The following FBXW7 variants were observed in gnomAD, a reference collection of about 807,000 sequenced individuals.
The protein encoded by FBXW7 is F-box and WD repeat domain containing 7, also known as F-box/WD repeat-containing protein 7.
A neutral mutation model predicts 86.3 loss-of-function variants in FBXW7; 11 were observed. The ratio of observed to expected loss-of-function variants is 0.13; its 90% confidence interval spans 0.08 to 0.21. FBXW7 has a LOEUF of 0.21. FBXW7 is among the 10% of genes least tolerant of loss of function. The pLI is 1.00. For synonymous variants in FBXW7, 313 were observed against 297.9 expected (o/e 1.05, Z -0.52); for missense variants, 488 against 847.4 (o/e 0.58, Z 5.27).
intron 2 of FBXW7, among the ~76,000 whole-genome samples, chr4:152,453,414 A>G (rs926872233): frequency 4.6e-5 from 7 of 152,244 alleles, no homozygotes; most frequent in Non-Finnish European, 8.8e-5. Context: ...TGGTTCATTC[A>G]GTCTATTCAG....
chr4:152,439,865 C>CA (rs35657415), intron 2 of FBXW7, among the ~76,000 whole-genome samples: 1,304 of 56,872 alleles, frequency 0.023, 23 homozygotes, highest in Non-Finnish European at 0.034. Context: ...GACTCCGTCA[C>CA]AAAAAAAAAA....
intron 2 of FBXW7, among the ~76,000 whole-genome samples, chr4:152,505,387 C>T (rs907306873): frequency 2.6e-5 from 4 of 152,130 alleles, no homozygotes; most frequent in South Asian, 2.1e-4. Context: ...CTTACTATAA[C>T]GTTTTTACTT....
chr4:152,503,396 A>G (rs1023368067), intron 2 of FBXW7, among the ~76,000 whole-genome samples: 9 of 152,142 alleles, frequency 5.9e-5, no homozygotes, highest in Non-Finnish European at 1.2e-4. Flanking sequence ...TCAGCCTCCA[A>G]GTAGCTGGCA....
At chr4:152,374,065 AT>A (rs1323691552) in intron 4 of FBXW7, among the ~76,000 whole-genome samples, 1 of 152,046 alleles carries the variant, frequency 6.6e-6, no homozygotes, top group African/African-American at 2.4e-5. Context: ...AAATGTTTAT[AT>A]TTTCCAAGTA....
chr4:152,392,838 T>C (rs1736110478), intron 4 of FBXW7, among the ~76,000 whole-genome samples: 1 of 152,132 alleles, frequency 6.6e-6, no homozygotes, highest in African/African-American at 2.4e-5. Context: ...TGGGTGACAA[T>C]TTCCCACCTT....
intron 2 of FBXW7, among the ~76,000 whole-genome samples, chr4:152,432,826 A>T (rs1740035508): frequency 6.6e-6 from 1 of 152,152 alleles, no homozygotes; most frequent in African/African-American, 2.4e-5. Context: ...AGAAAAAGGT[A>T]TTGAATATTT....
chr4:152,527,889 C>T (rs1380465659), intron 2 of FBXW7, among the ~76,000 whole-genome samples: 1 of 151,582 alleles, frequency 6.6e-6, no homozygotes, highest in African/African-American at 2.4e-5. Flanking sequence ...CACACACACA[C>T]ACACACACAC....
intron 4 of FBXW7, among the ~76,000 whole-genome samples, chr4:152,377,011 T>C (rs1734603199): frequency 6.6e-6 from 1 of 152,148 alleles, no homozygotes; most frequent in Non-Finnish European, 1.5e-5. Context: ...CAAAAATTAT[T>C]TGTAAGTCAA....
At chr4:152,478,128 C>T (rs1366139140) in intron 2 of FBXW7, among the ~76,000 whole-genome samples, 1 of 152,048 alleles carries the variant, frequency 6.6e-6, no homozygotes, top group Non-Finnish European at 1.5e-5. Flanking sequence ...AATTCAGTAG[C>T]ATTGAGTACA....
intron 2 of FBXW7, among the ~76,000 whole-genome samples, chr4:152,426,000 G>A (rs911345905): frequency 1.3e-5 from 2 of 152,134 alleles, no homozygotes; most frequent in African/African-American, 4.8e-5. Context: ...TACACCCCAA[G>A]AATTTATAAC....
At chr4:152,443,307 C>T (rs572245723) in intron 2 of FBXW7, among the ~76,000 whole-genome samples, 3 of 152,198 alleles carry the variant, frequency 2.0e-5, no homozygotes, top group Admixed American at 6.5e-5. Context: ...CACCCAAAAC[C>T]TGGTGTATGG....
chr4:152,502,780 G>A (rs1413528889), intron 2 of FBXW7, among the ~76,000 whole-genome samples: 1 of 152,088 alleles, frequency 6.6e-6, no homozygotes, highest in Non-Finnish European at 1.5e-5. Context: ...CTGTGACAGA[G>A]CAAAATTAAA....
At position 152,521,587 on chromosome 4, in the gene FBXW7, G is replaced by C. The variant is rs926987612; in HGVS notation, c.-120+13354C>G. 2.0e-5 allele frequency among the ~76,000 whole-genome samples: 3 copies of C among 152,064 alleles called. No individual in the cohort carries two copies. In the East Asian group the frequency reaches 5.8e-4, roughly 29 times the overall value. On this transcript the variant is annotated intron_variant, in intron 2 of 13. Coordinates refer to ENST00000281708, the MANE Select transcript of FBXW7 (RefSeq NM_001349798.2). ...ACACAACCCTGTAAATAGCAGAAAA[G>C]TCAGTACATTCAAATTCCATCCTTA... is the stretch of plus-strand genomic sequence containing the variant.
At chr4:152,323,430 A>G (rs1032223937) in intron 13 of FBXW7, 35 of 455,224 alleles carry the variant, frequency 7.7e-5, no homozygotes, top group Middle Eastern at 1.2e-3. Flanking sequence ...TGTGAACGAC[A>G]GCATTCCTTG....
chr4:152,505,514 T>C (rs907552938), intron 2 of FBXW7, among the ~76,000 whole-genome samples: 29 of 152,288 alleles, frequency 1.9e-4, no homozygotes, highest in Admixed American at 9.1e-4. Flanking sequence ...CTTTTTCCTG[T>C]TTTAAAAAAA....
At chr4:152,368,688 A>C (rs181948104) in intron 4 of FBXW7, among the ~76,000 whole-genome samples, 7 of 152,214 alleles carry the variant, frequency 4.6e-5, no homozygotes, top group Non-Finnish European at 8.8e-5. Flanking sequence ...TCAGAACTTA[A>C]AATTATAATG....
chr4:152,514,607 T>G (rs986762530), intron 2 of FBXW7, among the ~76,000 whole-genome samples: 17 of 152,072 alleles, frequency 1.1e-4, no homozygotes, highest in African/African-American at 4.1e-4. Context: ...ATCCTCAAGG[T>G]AATGAATGAG....
intron 4 of FBXW7, among the ~76,000 whole-genome samples, chr4:152,392,903 T>C (rs1736114330): frequency 6.6e-6 from 1 of 152,190 alleles, no homozygotes. Context: ...ATAAAACTTT[T>C]TAAAGAGTTA....
chr4:152,511,912 T>C (rs184286398), intron 2 of FBXW7, among the ~76,000 whole-genome samples: 81 of 152,102 alleles, frequency 5.3e-4, no homozygotes, highest in Admixed American at 9.8e-4. Context: ...ATTTCAAGCA[T>C]GTAAAAAGGA....
Sources: gnomAD v4.1 joint callset for allele counts (sites outside exome capture counted in the v4.1 genomes callset) on GRCh38, gnomAD v4.1.1 for gene constraint, MANE v1.5 for transcripts, NCBI Gene and HGNC (gene_info 2026-07-23, HGNC 2026-07-21) for gene names.